Variants in HK2 observed in about 807,000 individuals in gnomAD.
HK2 encodes hexokinase 2.
Under a neutral mutation model 92.9 loss-of-function variants are expected in HK2, and 42 were observed. The observed-to-expected ratio is 0.45, with a 90% confidence interval of 0.35 to 0.58. The LOEUF (loss-of-function observed/expected upper bound fraction) is 0.58. Ranked by LOEUF, HK2 falls within the 20% of genes least tolerant of loss-of-function variation. The pLI, the probability that HK2 is intolerant of heterozygous loss-of-function variation, is 0.00. For missense variants in HK2, 978 were observed against 1,245.1 expected, an observed-to-expected ratio of 0.79 and a Z score of 3.23; for synonymous variants, 422 against 468.0, an observed-to-expected ratio of 0.90 and a Z score of 1.27.
chr2:74,868,765 A>C (rs6749471), intron 3 of HK2, among the ~76,000 whole-genome samples: 6,099 of 152,336 alleles, frequency 0.04, 364 homozygotes, highest in African/African-American at 0.14. Flanking sequence ...ACAAAACAAA[A>C]CAAACAAAAT....
At position 74,882,068 on chromosome 2, in the gene HK2, C is replaced by G; in HGVS notation, c.1720-52C>G. 1.9e-6 allele frequency: 3 copies of G among 1,574,968 alleles called. No homozygotes were observed. The South Asian group carries it at 3.3e-5, about 17-fold the overall frequency. ...TGTTGTGCGCAGGCCCTACTGGGGGCAGCCTGCCCTGCCCAGGGCCCCTCC... is the reference window on the plus strand; with the variant it reads ...TGTTGTGCGCAGGCCCTACTGGGGGGAGCCTGCCCTGCCCAGGGCCCCTCC... On this transcript the variant is annotated intron_variant, in intron 11 of 17. Coordinates refer to ENST00000290573, the MANE Select transcript of HK2 (RefSeq NM_000189.5).
At chr2:74,882,365 TG>T in intron 12 of HK2, 126 bp downstream of exon 12, 1 of 1,407,112 alleles carries the variant, frequency 7.1e-7, no homozygotes, top group Admixed American at 1.7e-5. Context: ...TTACCAGTAG[TG>T]GGGAGGGGCT....
chr2:74,867,755 G>C lies in HK2; in HGVS notation c.346G>C (p.Glu116Gln). 6.2e-7 allele frequency: 1 copy of C among 1,614,172 alleles called. No homozygotes were observed. The highest frequency in any genetic ancestry group is 8.5e-7 in the Non-Finnish European group (1 of 1,180,034). ...EMENQIYAIP[E>Q]DIMRGSGTQL... ...GGAGAATCAGATCTATGCCATCCCT[G>C]AGGACATCATGCGAGGCAGTGGCAC... is the stretch of plus-strand genomic sequence containing the variant. The change falls in exon 3 of 18, where the codon GAG becomes CAG. Residue 116 changes from glutamate (E) to glutamine (Q), a missense_variant. By Grantham distance (29) the Glu-to-Gln change is conservative (BLOSUM62 2). Coordinates refer to ENST00000290573, the MANE Select transcript of HK2 (RefSeq NM_000189.5).
chr2:74,855,749 A>T (rs1316067953), intron 2 of HK2, among the ~76,000 whole-genome samples: 1 of 152,160 alleles, frequency 6.6e-6, no homozygotes, highest in Admixed American at 6.5e-5. Flanking sequence ...CATCATTGGC[A>T]GTATAGGTAG....
At position 74,889,478 on chromosome 2, in the gene HK2, A is replaced by C. The variant is rs1689621791; in HGVS notation, c.2609A>C (p.His870Pro). The C allele has an allele frequency of 6.3e-7, 1 of 1,593,880 alleles. No individual in the cohort carries two copies. Among genetic ancestry groups the C allele is most frequent in the Non-Finnish European group, 8.6e-7 (1 of 1,164,504 alleles). Reference sequence around the variant, plus strand: ...GGGACCCTCTACAAGCTACATCCTCAGTGAGTGCCTGATCCCAGCCCCCCC... The same window carrying C: ...GGGACCCTCTACAAGCTACATCCTCCGTGAGTGCCTGATCCCAGCCCCCCC... ...VDGTLYKLHP[H>P]FAKVMHETVK... Residue 870 changes from histidine (H) to proline (P), a missense_variant and splice_region_variant, in exon 17 of 18, where the codon CAC becomes CCC. This residue lies in a region of HK2 where 742 missense variants were observed against 922.5 expected (regional missense o/e 0.80). Transcript: ENST00000290573.
rs921844218 is a variant in HK2 at position 74,868,609 on chromosome 2, T to C, written c.375+825T>C. On this transcript the variant is annotated intron_variant, in intron 3 of 17. Coordinates refer to ENST00000290573, the MANE Select transcript of HK2 (RefSeq NM_000189.5). Reference sequence around the variant, plus strand: ...TTTTGTCTGTTTATCTAATTGCTTCTTGTGCTGTCACTTTCTGTGGCTAGT... The same window carrying C: ...TTTTGTCTGTTTATCTAATTGCTTCCTGTGCTGTCACTTTCTGTGGCTAGT... 2.6e-5 allele frequency among the ~76,000 whole-genome samples: 4 copies of C among 152,356 alleles called. 1 individual carries two copies. The highest frequency in any genetic ancestry group is 4.1e-4 in the South Asian group (2 of 4,826).
At chr2:74,870,511 T>C (rs1689072186) in intron 3 of HK2, among the ~76,000 whole-genome samples, 1 of 150,650 alleles carries the variant, frequency 6.6e-6, no homozygotes, top group Non-Finnish European at 1.5e-5. Flanking sequence ...ACCTCCAGTC[T>C]TTGATGATTG....
Position 74,889,425 on chromosome 2 carries a change from C to A in HK2, c.2556C>A (p.Asp852Glu). The change falls in exon 17 of 18, where the codon GAC becomes GAA. Residue 852 changes from aspartate to glutamate, a missense_variant. Coordinates refer to ENST00000290573, the MANE Select transcript of HK2 (RefSeq NM_000189.5). ...VDRIRENRGL[D>E]ALKVTVGVDG... is the part of the protein sequence containing the mutation. ...GGATACGAGAAAACCGTGGGCTGGA[C>A]GCTCTCAAAGTGACAGTGGGTGTGG... 6.2e-7 allele frequency: 1 copy of A among 1,613,922 alleles called. No homozygotes were observed. The highest frequency in any genetic ancestry group is 8.5e-7 in the Non-Finnish European group (1 of 1,179,932).
intron 1 of HK2, among the ~76,000 whole-genome samples, chr2:74,845,019 G>A (rs968608125): frequency 2.0e-5 from 3 of 152,198 alleles, no homozygotes; most frequent in African/African-American, 7.2e-5. Flanking sequence ...TGGAGGGTCA[G>A]TGGGAGTTTG....
At chr2:74,872,521 G>A (rs752030649) in intron 4 of HK2, 102 bp downstream of exon 4, 209 of 1,342,990 alleles carry the variant, frequency 1.6e-4, no homozygotes, top group Non-Finnish European at 2.1e-4. Flanking sequence ...TAGCACTGGA[G>A]GATTGTGGAG....
intron 1 of HK2, among the ~76,000 whole-genome samples, chr2:74,853,456 G>A (rs1034129170): frequency 6.6e-6 from 1 of 151,994 alleles, no homozygotes; most frequent in Non-Finnish European, 1.5e-5. Context: ...GGCAGAGGTT[G>A]CAGTGAGTCG....
At chr2:74,861,789 A>G (rs1688834407) in intron 2 of HK2, among the ~76,000 whole-genome samples, 1 of 152,220 alleles carries the variant, frequency 6.6e-6, no homozygotes, top group African/African-American at 2.4e-5. Flanking sequence ...GTACAACCCA[A>G]CTGAAAATGT....
intron 2 of HK2, among the ~76,000 whole-genome samples, chr2:74,859,882 A>G (rs896086787): frequency 6.6e-6 from 1 of 152,228 alleles, no homozygotes; most frequent in Non-Finnish European, 1.5e-5. Flanking sequence ...TATGTTTATC[A>G]CAGCACCATT....
chr2:74,873,166 T>C (rs1689139393), intron 4 of HK2, 110 bp from the exon 5 acceptor site: 1 of 845,404 alleles, frequency 1.2e-6, no homozygotes, highest in Non-Finnish European at 2.1e-6. Context: ...AATTCAATCA[T>C]GACTTTACCC....
In HK2 at chr2:74,834,972, C is replaced by T. The variant is rs1444927765; in HGVS notation, c.63+329C>T. Among the ~76,000 whole-genome samples, 1 of 152,178 alleles carries T rather than the reference C, an allele frequency of 6.6e-6. No homozygotes were observed. Among genetic ancestry groups the T allele is most frequent in the African/African-American group, 2.4e-5 (1 of 41,464 alleles). ...CCCCGCAGGTAGTCAGGGATTGCTG[C>T]GCCCACGTGGGAGGGAGCCCCCTTC... is the stretch of plus-strand genomic sequence containing the variant. On this transcript the variant is annotated intron_variant, in intron 1 of 17. Transcript: ENST00000290573. This position sits in a 1 kb window ranked among gnomAD's most constrained non-coding sequence, Gnocchi z 4.2.
At position 74,860,652 on chromosome 2, in the gene HK2, C is replaced by T. The variant is rs577034148; in HGVS notation, c.226+6197C>T. On this transcript the variant is annotated intron_variant, in intron 2 of 17. Transcript: ENST00000290573. ...TCTGATATGAATATTGATGGACACC[C>T]GGGCAGTTTCCAGTTTTTGGCTATT... is the stretch of plus-strand genomic sequence containing the variant. Among the ~76,000 whole-genome samples the T allele has an allele frequency of 7.9e-5, 12 of 152,276 alleles. No individual in the cohort carries two copies. The South Asian group carries it at 2.1e-3, about 26-fold the overall frequency.
intron 10 of HK2, among the ~76,000 whole-genome samples, 174 bp from the exon 11 acceptor site, chr2:74,881,537 C>G (rs1689391887): frequency 6.6e-6 from 1 of 152,226 alleles, no homozygotes; most frequent in African/African-American, 2.4e-5. Flanking sequence ...TAAAAGATTT[C>G]CCTTCAGCTT....
intron 10 of HK2, 39 bp downstream of exon 10, chr2:74,880,608 C>G: frequency 1.3e-6 from 2 of 1,597,736 alleles, no homozygotes; most frequent in Non-Finnish European, 8.6e-7. Context: ...CATGGTGGGC[C>G]TTTGTCCTGG....
At chr2:74,869,091 A>G (rs1254836299) in intron 3 of HK2, among the ~76,000 whole-genome samples, 3 of 152,150 alleles carry the variant, frequency 2.0e-5, no homozygotes, top group African/African-American at 4.8e-5. Flanking sequence ...TCTCCATGCA[A>G]TATATAAGAA....
Sources: gnomAD v4.1 joint callset for allele counts (sites outside exome capture counted in the v4.1 genomes callset) on GRCh38, gnomAD v4.1.1 for gene constraint, gnomAD v4.1.1 regional missense constraint, Gnocchi (gnomAD v3.1) non-coding constraint, MANE v1.5 for transcripts, NCBI Gene and HGNC (gene_info 2026-07-23, HGNC 2026-07-21) for gene names.